The following DHRSX variants were observed in gnomAD, a reference collection of about 807,000 sequenced individuals.
DHRSX encodes the protein dehydrogenase/reductase X-linked.
In DHRSX, 31 loss-of-function variants were observed where a neutral mutation model predicts 34.0. That is an observed-to-expected ratio of 0.91 (90% CI 0.69 to 1.23). The LOEUF (loss-of-function observed/expected upper bound fraction) is 1.23. Ranked by LOEUF, DHRSX falls within the 50% of genes most tolerant of loss-of-function variation. The probability of loss-of-function intolerance (pLI) is 0.00; values close to 1 mark genes in which losing one functional copy is unlikely to be tolerated. For missense variants in DHRSX, 414 were observed against 428.1 expected, an observed-to-expected ratio of 0.97 and a Z score of 0.29; for synonymous variants, 201 against 183.8, an observed-to-expected ratio of 1.09 and a Z score of -0.76.
At chrX:2,298,707 C>A (rs553269683) in intron 3 of DHRSX, among the ~76,000 whole-genome samples, 1 of 150,688 alleles carries the variant, frequency 6.6e-6, no homozygotes, top group South Asian at 2.1e-4. Context: ...AAAAACGGGC[C>A]GGGCGCGGCA....
chrX:2,402,696 T>A (rs1439404728), intron 3 of DHRSX, among the ~76,000 whole-genome samples: 2 of 139,532 alleles, frequency 1.4e-5, no homozygotes, highest in Admixed American at 7.0e-5. Context: ...GATTTTAAAC[T>A]TTTTTCTTTT....
chrX:2,266,665 C>A (rs1317345284), intron 5 of DHRSX, 75 bp downstream of exon 5: 4 of 1,443,486 alleles, frequency 2.8e-6, no homozygotes, highest in Non-Finnish European at 2.9e-6. Context: ...AGCGCCACAC[C>A]GCACAGACAG....
intron 3 of DHRSX, among the ~76,000 whole-genome samples, chrX:2,359,655 G>A (rs2042903162): frequency 6.6e-6 from 1 of 151,944 alleles, no homozygotes; most frequent in Non-Finnish European, 1.5e-5. Context: ...CCAGCAGCCT[G>A]GGTGACACAG....
At chrX:2,460,748 A>G (rs951994689) in intron 1 of DHRSX, among the ~76,000 whole-genome samples, 4 of 151,904 alleles carry the variant, frequency 2.6e-5, no homozygotes, top group African/African-American at 9.7e-5. Context: ...ATGTCCAGCT[A>G]ATTTTTTTAT....
intron 3 of DHRSX, among the ~76,000 whole-genome samples, chrX:2,349,834 C>T (rs1385704461): frequency 1.5e-5 from 2 of 137,038 alleles, no homozygotes; most frequent in South Asian, 2.3e-4. Flanking sequence ...GAGGTCAGAT[C>T]GAGACCATCC....
chrX:2,284,290 G>A (rs2041776160), intron 4 of DHRSX, among the ~76,000 whole-genome samples: 1 of 151,948 alleles, frequency 6.6e-6, no homozygotes, highest in African/African-American at 2.4e-5. Flanking sequence ...GAATTCATTT[G>A]TTCATTCCTT....
intron 1 of DHRSX, among the ~76,000 whole-genome samples, chrX:2,456,048 C>T (rs2044292094): frequency 6.6e-6 from 1 of 151,984 alleles, no homozygotes; most frequent in Non-Finnish European, 1.5e-5. Flanking sequence ...CTCCATGGTG[C>T]CTAGCTTTAG....
intron 1 of DHRSX, chrX:2,490,919 C>A: frequency 1.5e-6 from 1 of 677,926 alleles, no homozygotes; most frequent in Non-Finnish European, 2.5e-6. Context: ...TTGCGGGTCA[C>A]TTTTGCAGAG....
chrX:2,239,420 A>G (rs2016088756), intron 6 of DHRSX, among the ~76,000 whole-genome samples: 1 of 150,864 alleles, frequency 6.6e-6, no homozygotes, highest in Admixed American at 6.6e-5. Context: ...AAAAAAAAAA[A>G]TGCACAGCAG....
chrX:2,410,336 C>T (rs1244736296), intron 2 of DHRSX, among the ~76,000 whole-genome samples: 2 of 152,090 alleles, frequency 1.3e-5, no homozygotes, highest in South Asian at 2.1e-4. Flanking sequence ...GCAGGGGAAG[C>T]GCACAGGCTT....
chrX:2,446,774 T>A (rs57909239), intron 1 of DHRSX, among the ~76,000 whole-genome samples: 1 of 150,726 alleles, frequency 6.6e-6, no homozygotes. Context: ...CCTAAGAATG[T>A]GGACAAGGGA....
At chrX:2,251,704 C>T (rs2016438049) in intron 5 of DHRSX, among the ~76,000 whole-genome samples, 1 of 152,216 alleles carries the variant, frequency 6.6e-6, no homozygotes, top group African/African-American at 2.4e-5. Flanking sequence ...TGTTCAAGTG[C>T]TATTTCTTTA....
chrX:2,436,932 C>CCCTGTTCATGCCTATA (rs2043999111), intron 1 of DHRSX, among the ~76,000 whole-genome samples: 2 of 152,132 alleles, frequency 1.3e-5, no homozygotes, highest in African/African-American at 4.8e-5. Context: ...CTACAGACCC[C>CCCTGTTCATGCCTATA]ACCGTCATCT....
At chrX:2,470,098 C>A (rs932423957) in intron 1 of DHRSX, among the ~76,000 whole-genome samples, 3 of 151,010 alleles carry the variant, frequency 2.0e-5, no homozygotes, top group South Asian at 2.1e-4. Context: ...ATTTGCGCAA[C>A]ATGGATGGGA....
intron 4 of DHRSX, among the ~76,000 whole-genome samples, chrX:2,289,375 C>T (rs1319778619): frequency 6.6e-6 from 1 of 152,150 alleles, no homozygotes; most frequent in African/African-American, 2.4e-5. Flanking sequence ...ACCTCAGCCT[C>T]CCAAAGTGTT....
chrX:2,462,764 G>A (rs1419517167), intron 1 of DHRSX, among the ~76,000 whole-genome samples: 3 of 151,846 alleles, frequency 2.0e-5, no homozygotes, highest in South Asian at 2.1e-4. Context: ...TTCAAAACAC[G>A]GAGGGTTTCT....
intron 2 of DHRSX, among the ~76,000 whole-genome samples, chrX:2,419,849 A>G (rs1362649644): frequency 4.0e-5 from 6 of 151,214 alleles, no homozygotes; most frequent in Non-Finnish European, 8.9e-5. Context: ...GGATAGCATT[A>G]GGAGATATAC....
chrX:2,474,801 G>GCCC (rs1569505056), intron 1 of DHRSX, among the ~76,000 whole-genome samples: 4 of 150,284 alleles, frequency 2.7e-5, no homozygotes, highest in African/African-American at 7.4e-5. Flanking sequence ...CCAAGAGACT[G>GCCC]CCACCATATA....
intron 3 of DHRSX, among the ~76,000 whole-genome samples, chrX:2,331,123 A>G (rs1320626089): frequency 2.0e-5 from 3 of 152,152 alleles, no homozygotes; most frequent in Non-Finnish European, 4.4e-5. Context: ...AAATGGGCCC[A>G]AGAATAGTAT....
Sources: gnomAD v4.1 joint callset for allele counts (sites outside exome capture counted in the v4.1 genomes callset) on GRCh38, gnomAD v4.1.1 for gene constraint, MANE v1.5 for transcripts, NCBI Gene and HGNC (gene_info 2026-07-23, HGNC 2026-07-21) for gene names.